The following HMBOX1 variants were observed in gnomAD, a reference collection of about 807,000 sequenced individuals.
The protein encoded by HMBOX1 is homeobox containing 1.
A neutral mutation model predicts 54.5 loss-of-function variants in HMBOX1; 14 were observed. The observed-to-expected ratio is 0.26, with a 90% CI of 0.17 to 0.40. The LOEUF (loss-of-function observed/expected upper bound fraction) is 0.40. Ranked by LOEUF, HMBOX1 falls within the 10% of genes least tolerant of loss-of-function variation. The pLI is 1.00. For missense variants in HMBOX1, 332 were observed against 514.4 expected (o/e 0.65, Z 3.43); for synonymous variants, 160 against 181.0 (o/e 0.88, Z 0.93).
intron 1 of HMBOX1, among the ~76,000 whole-genome samples, chr8:28,954,565 T>C (rs2132161794): frequency 6.6e-6 from 1 of 152,338 alleles, no homozygotes; most frequent in African/African-American, 2.4e-5. Flanking sequence ...AGCTGTACAA[T>C]GTAAATTCAA....
chr8:28,918,318 C>T (rs371568339), intron 1 of HMBOX1, among the ~76,000 whole-genome samples: 6 of 152,206 alleles, frequency 3.9e-5, no homozygotes, highest in African/African-American at 1.4e-4. Context: ...ATTCTCCTGC[C>T]TCAGCTTCCC....
intron 1 of HMBOX1, among the ~76,000 whole-genome samples, chr8:28,900,561 A>G (rs1813064983): frequency 6.6e-6 from 1 of 151,886 alleles, no homozygotes; most frequent in Non-Finnish European, 1.5e-5. Flanking sequence ...TGCTTATGTC[A>G]GTAGATCGTG....
At chr8:28,944,126 T>C (rs1272292429) in intron 1 of HMBOX1, among the ~76,000 whole-genome samples, 1 of 152,210 alleles carries the variant, frequency 6.6e-6, no homozygotes, top group East Asian at 1.9e-4. Context: ...AATATTCAGT[T>C]CTGCATATCA....
intron 3 of HMBOX1, among the ~76,000 whole-genome samples, chr8:28,979,323 A>G (rs1828968068): frequency 6.6e-6 from 1 of 152,242 alleles, no homozygotes; most frequent in Admixed American, 6.5e-5. Flanking sequence ...TCTTTTGAGA[A>G]TTTGTTGAGT....
At position 28,960,765 on chromosome 8, in the gene HMBOX1, C is replaced by CTTTTTT. The variant is rs1162477676; in HGVS notation, c.-57-3012_-57-3007dup. 4.1e-3 allele frequency among the ~76,000 whole-genome samples: 67 copies of CTTTTTT among 16,184 alleles called. 2 individuals carry two copies. The highest frequency in any genetic ancestry group is 7.1e-3 in the Non-Finnish European group (53 of 7,492). 10.6% of individuals were successfully genotyped at this position (16,184 alleles called of 152,430 possible). On this transcript the variant is annotated intron_variant, in intron 1 of 9. Coordinates refer to ENST00000287701, the MANE Select transcript of HMBOX1 (RefSeq NM_001135726.3). ...TTATTCTCTTTTTCTTTTTCTTTTTCTTTTTTTTTTTTTTTTTTTTTTTTT... is the reference window on the plus strand; with the variant it reads ...TTATTCTCTTTTTCTTTTTCTTTTTCTTTTTTTTTTTTTTTTTTTTTTTTTTTTTTT...
At chr8:28,904,118 A>G (rs1207567175) in intron 1 of HMBOX1, among the ~76,000 whole-genome samples, 4 of 151,906 alleles carry the variant, frequency 2.6e-5, no homozygotes, top group Non-Finnish European at 5.9e-5. Context: ...ACTCTACATC[A>G]GTTTTTCATG....
intron 2 of HMBOX1, among the ~76,000 whole-genome samples, chr8:28,965,992 AAAT>A (rs1249011463): frequency 6.6e-6 from 1 of 152,148 alleles, no homozygotes; most frequent in African/African-American, 2.4e-5. Context: ...TAGATAATAA[AAAT>A]AAAGACAGCA....
chr8:28,943,316 T>C (rs1256957481), intron 1 of HMBOX1, among the ~76,000 whole-genome samples: 1 of 152,146 alleles, frequency 6.6e-6, no homozygotes, highest in Non-Finnish European at 1.5e-5. Flanking sequence ...GACCAAAAGC[T>C]TATATACTGA....
intron 6 of HMBOX1, among the ~76,000 whole-genome samples, chr8:29,027,551 A>C (rs960230642): frequency 6.6e-6 from 1 of 152,194 alleles, no homozygotes; most frequent in African/African-American, 2.4e-5. Flanking sequence ...TGGCTATTGC[A>C]CCTATTCTAG....
intron 1 of HMBOX1, among the ~76,000 whole-genome samples, chr8:28,917,031 C>T (rs1816689397): frequency 1.4e-5 from 2 of 146,496 alleles, no homozygotes; most frequent in South Asian, 2.2e-4. Context: ...CATATCACTG[C>T]ACTCCAGCCT....
intron 1 of HMBOX1, among the ~76,000 whole-genome samples, chr8:28,895,352 C>T (rs1811898870): frequency 1.3e-5 from 2 of 152,156 alleles, no homozygotes; most frequent in African/African-American, 4.8e-5. Flanking sequence ...ACAGGGATGA[C>T]TTAAGACTGA....
At chr8:28,960,195 C>G (rs1825211467) in intron 1 of HMBOX1, among the ~76,000 whole-genome samples, 1 of 151,802 alleles carries the variant, frequency 6.6e-6, no homozygotes, top group Non-Finnish European at 1.5e-5. Flanking sequence ...TTTTTAAGTA[C>G]TATTTTTTCT....
At chr8:29,009,270 G>A in intron 5 of HMBOX1, 88 bp downstream of exon 5, 1 of 1,192,640 alleles carries the variant, frequency 8.4e-7, no homozygotes, top group South Asian at 1.3e-5. Context: ...AACTTGTTCA[G>A]TAAGATGGTT....
intron 4 of HMBOX1, among the ~76,000 whole-genome samples, chr8:29,002,157 A>C (rs1436682213): frequency 6.6e-6 from 1 of 152,130 alleles, no homozygotes. Context: ...ATGAGATTAG[A>C]AGACCCTCTT....
At chr8:28,926,510 A>G (rs1188753991) in intron 1 of HMBOX1, among the ~76,000 whole-genome samples, 4 of 152,116 alleles carry the variant, frequency 2.6e-5, no homozygotes, top group African/African-American at 9.7e-5. Context: ...GTTAACTTTA[A>G]TCTGTAATTG....
At chr8:28,992,108 G>A (rs919944268) in intron 4 of HMBOX1, among the ~76,000 whole-genome samples, 46 of 152,172 alleles carry the variant, frequency 3.0e-4, no homozygotes, top group Non-Finnish European at 6.0e-4. Flanking sequence ...AAAATATGGT[G>A]CCATGGTCAA....
intron 1 of HMBOX1, among the ~76,000 whole-genome samples, chr8:28,963,198 G>A (rs1825900092): frequency 3.9e-5 from 6 of 152,070 alleles, no homozygotes; most frequent in Admixed American, 3.9e-4. Context: ...TGGTCAGGCT[G>A]GTCTCGAACT....
At chr8:28,963,281 G>T (rs1825918237) in intron 1 of HMBOX1, among the ~76,000 whole-genome samples, 2 of 152,152 alleles carry the variant, frequency 1.3e-5, no homozygotes, top group African/African-American at 4.8e-5. Context: ...ACCACGCCTG[G>T]CCTGTTTTTA....
At chr8:28,900,066 T>C (rs989901235) in intron 1 of HMBOX1, among the ~76,000 whole-genome samples, 5 of 151,706 alleles carry the variant, frequency 3.3e-5, no homozygotes, top group Non-Finnish European at 5.9e-5. Context: ...CTGGCCAACA[T>C]GGTGAAACCC....
Sources: allele counts gnomAD v4.1 joint callset (sites outside exome capture counted in the v4.1 genomes callset), GRCh38; gene constraint gnomAD v4.1.1; transcripts MANE v1.5; gene names NCBI Gene and HGNC (gene_info 2026-07-23, HGNC 2026-07-21).